ATL1: variants seen among roughly 807,000 people sequenced by gnomAD.
The protein encoded by ATL1 is atlastin GTPase 1.
In ATL1, 31 loss-of-function variants were observed where a neutral mutation model predicts 75.5. The observed-to-expected ratio is 0.41, with a 90% CI of 0.31 to 0.55. The LOEUF (loss-of-function observed/expected upper bound fraction) is 0.55. Among genes scored for constraint, ATL1 ranks in the 20% least tolerant of loss-of-function variants. ATL1 has a pLI of 0.27. For synonymous variants in ATL1, 226 were observed against 233.3 expected (o/e 0.97, Z 0.28); for missense variants, 405 against 662.6 (o/e 0.61, Z 4.27).
chr14:50,541,937 G>A (rs973302911), intron 1 of ATL1, among the ~76,000 whole-genome samples: 1 of 140,354 alleles, frequency 7.1e-6, no homozygotes, highest in Non-Finnish European at 1.5e-5. Flanking sequence ...AACCCAGGAG[G>A]CAGAGCTTGT....
At chr14:50,602,871 A>G (rs1488875387) in intron 6 of ATL1, among the ~76,000 whole-genome samples, 1 of 152,100 alleles carries the variant, frequency 6.6e-6, no homozygotes, top group East Asian at 1.9e-4. Flanking sequence ...GGTTAGAATC[A>G]TTTCTGAGCC....
At chr14:50,592,542 TAAA>T (rs35475571) in intron 4 of ATL1, among the ~76,000 whole-genome samples, 1 of 149,134 alleles carries the variant, frequency 6.7e-6, no homozygotes, top group African/African-American at 2.5e-5. Context: ...GTAAAAGTCA[TAAA>T]AAAAAAAGTC....
chr14:50,557,058 C>G (rs1421260672), upstream of ATL1, among the ~76,000 whole-genome samples: 1 of 152,144 alleles, frequency 6.6e-6, no homozygotes, highest in Non-Finnish European at 1.5e-5. Flanking sequence ...TTTTGAGGAA[C>G]TGCTAGACTT....
At chr14:50,591,183 T>C (rs994759317) in intron 3 of ATL1, 108 bp downstream of exon 3, 2 of 1,184,788 alleles carry the variant, frequency 1.7e-6, no homozygotes, top group African/African-American at 3.0e-5. Context: ...CCATTTGACA[T>C]GAAGCTTAAA....
At chr14:50,582,588 TTG>T (rs1425004042) in intron 1 of ATL1, among the ~76,000 whole-genome samples, 2 of 55,206 alleles carry the variant, frequency 3.6e-5, no homozygotes, top group African/African-American at 3.1e-4. Flanking sequence ...TTTTGTGTTG[TTG>T]TTTTTTTTTT....
chr14:50,607,250 G>A (rs186130838), intron 6 of ATL1, among the ~76,000 whole-genome samples: 23 of 152,082 alleles, frequency 1.5e-4, no homozygotes, highest in Admixed American at 1.4e-3. Flanking sequence ...ATTGGCAAAG[G>A]ATAAGACCAT....
intron 11 of ATL1, among the ~76,000 whole-genome samples, chr14:50,625,678 C>T (rs146705487): frequency 6.0e-4 from 92 of 152,216 alleles, no homozygotes; most frequent in Non-Finnish European, 1.9e-4. Flanking sequence ...GGAGGCCCAA[C>T]ACTTTGGGAG....
At chr14:50,611,778 C>A (rs190338393) in intron 6 of ATL1, among the ~76,000 whole-genome samples, 3 of 152,238 alleles carry the variant, frequency 2.0e-5, no homozygotes, top group Admixed American at 6.5e-5. Context: ...GAATATCAAG[C>A]ATTGGTGAGG....
In ATL1 at chr14:50,549,333, A is replaced by G. The variant is rs1026264454; in HGVS notation, c.-139-10794A>G. On this transcript the variant is annotated intron_variant, in intron 1 of 13. Transcript: ENST00000441560. ...GTGGGCCACAGCAAAGGCAGCAGGC[A>G]TCTCCATCCTCTATGCAGATATTCT... is the stretch of plus-strand genomic sequence containing the variant. 3.3e-5 allele frequency among the ~76,000 whole-genome samples: 5 copies of G among 152,346 alleles called. No homozygotes were observed. In the East Asian group the frequency reaches 9.6e-4, roughly 29 times the overall value.
At chr14:50,551,983 C>T (rs537563311) in intron 1 of ATL1, among the ~76,000 whole-genome samples, 10 of 152,208 alleles carry the variant, frequency 6.6e-5, no homozygotes, top group Admixed American at 3.9e-4. Flanking sequence ...ACCACTTCTA[C>T]TCAACATAGT....
At chr14:50,598,284 T>G (rs1422417263) in intron 6 of ATL1, among the ~76,000 whole-genome samples, 1 of 152,206 alleles carries the variant, frequency 6.6e-6, no homozygotes. Flanking sequence ...CAATAGGATT[T>G]TTGTATATTT....
chr14:50,595,518 T>TTCTCTC, intron 5 of ATL1, 58 bp from the exon 6 acceptor site: 2 of 1,406,684 alleles, frequency 1.4e-6, no homozygotes, highest in Non-Finnish European at 2.0e-6. Flanking sequence ...GGTGCTAAAG[T>TTCTCTC]TCTCTCTCTC....
chr14:50,546,405 C>T (rs907904915), intron 1 of ATL1, among the ~76,000 whole-genome samples: 2 of 151,816 alleles, frequency 1.3e-5, no homozygotes, highest in Non-Finnish European at 1.5e-5. Context: ...AGAGAGCATA[C>T]ATGTTTATGT....
chr14:50,632,145 T>C, intron 13 of ATL1, 84 bp from the exon 14 acceptor site: 1 of 782,736 alleles, frequency 1.3e-6, no homozygotes, highest in East Asian at 2.7e-5. Context: ...CTAAATTTTA[T>C]ACAGTACGAT....
At chr14:50,563,544 G>A (rs748590161) in intron 1 of ATL1, among the ~76,000 whole-genome samples, 3 of 152,272 alleles carry the variant, frequency 2.0e-5, no homozygotes, top group Non-Finnish European at 2.9e-5. Context: ...AAAATACAGT[G>A]ATTTCCAAGA....
intron 1 of ATL1, among the ~76,000 whole-genome samples, chr14:50,551,023 C>G (rs968912641): frequency 6.6e-6 from 1 of 151,660 alleles, no homozygotes; most frequent in Admixed American, 6.6e-5. Flanking sequence ...AAAAAATTAA[C>G]AAAGATCACA....
chr14:50,625,770 C>T (rs1173213117), intron 11 of ATL1, among the ~76,000 whole-genome samples: 5 of 151,832 alleles, frequency 3.3e-5, no homozygotes, highest in Admixed American at 6.6e-5. Flanking sequence ...ATTAGCCGGG[C>T]GCAGAGGCGG....
At chr14:50,629,302 C>G (rs1022176943) in intron 12 of ATL1, among the ~76,000 whole-genome samples, 1 of 152,116 alleles carries the variant, frequency 6.6e-6, no homozygotes, top group Admixed American at 6.5e-5. Flanking sequence ...ATACTTATGG[C>G]CAGGTGCGGT....
chr14:50,583,606 A>G (rs2039075996), intron 1 of ATL1, among the ~76,000 whole-genome samples: 1 of 152,244 alleles, frequency 6.6e-6, no homozygotes, highest in Non-Finnish European at 1.5e-5. Flanking sequence ...TTAATGTATT[A>G]GAAGACTTAA....
Sources: gnomAD v4.1 joint callset for allele counts (sites outside exome capture counted in the v4.1 genomes callset) on GRCh38, gnomAD v4.1.1 for gene constraint, MANE v1.5 for transcripts, NCBI Gene and HGNC (gene_info 2026-07-23, HGNC 2026-07-21) for gene names.